Variants in ZCWPW1 observed in about 807,000 individuals in gnomAD.
ZCWPW1 encodes the protein zinc finger CW-type PWWP domain protein 1.
Under a neutral mutation model 81.3 loss-of-function variants are expected in ZCWPW1, and 56 were observed. The ratio of observed to expected loss-of-function variants is 0.69; its 90% CI spans 0.56 to 0.86. The LOEUF (loss-of-function observed/expected upper bound fraction) is 0.86. Ranked by LOEUF, ZCWPW1 falls within the 40% of genes least tolerant of loss-of-function variation. ZCWPW1 has a pLI of 0.00. For synonymous variants in ZCWPW1, 250 were observed against 273.7 expected (o/e 0.91, Z 0.86); for missense variants, 650 against 769.8 (o/e 0.84, Z 1.84).
intron 10 of ZCWPW1, 39 bp from the exon 11 acceptor site, chr7:100,407,342 G>A: frequency 6.4e-7 from 1 of 1,564,220 alleles, no homozygotes; most frequent in South Asian, 1.1e-5. Context: ...AGAAGAGAAG[G>A]GGTTAGATGA....
chr7:100,419,501 C>T, intron 4 of ZCWPW1, 129 bp downstream of exon 4: 1 of 1,464,300 alleles, frequency 6.8e-7, no homozygotes. Flanking sequence ...AGGAAGCCCT[C>T]AAAAAGGAAT....
At chr7:100,419,555 C>T (rs1795973545) in intron 4 of ZCWPW1, 75 bp downstream of exon 4, 2 of 1,520,268 alleles carry the variant, frequency 1.3e-6, no homozygotes, top group Non-Finnish European at 1.8e-6. Context: ...TGTGAAAAGA[C>T]TCTGTTTGTC....
At chr7:100,401,443 T>C (rs1233709715) in intron 17 of ZCWPW1, 107 bp from the exon 18 acceptor site, 5 of 1,084,380 alleles carry the variant, frequency 4.6e-6, no homozygotes, top group Non-Finnish European at 6.4e-6. Flanking sequence ...CTGGAAAAGA[T>C]GACCTTTCTC....
At position 100,423,287 on chromosome 7, in the gene ZCWPW1, T is replaced by C. The variant is rs565462981; in HGVS notation, c.-30+1743A>G. Among the ~76,000 whole-genome samples, 17 of 152,318 alleles carry C rather than the reference T, an allele frequency of 1.1e-4. No homozygotes were observed. The South Asian group carries it at 3.5e-3, about 32-fold the overall frequency. ...TTTCTGGCTGTTGGCTTTGAGCAGT[T>C]TGAAAACCCTGCAACTGAAACTCTT... On this transcript the variant is annotated intron_variant, in intron 2 of 17. Transcript: ENST00000684423.
At chr7:100,419,905 G>A (rs979314052) in intron 3 of ZCWPW1, 22 bp from the exon 4 acceptor site, 1 of 1,535,662 alleles carries the variant, frequency 6.5e-7, no homozygotes. Context: ...GTGATCAAGT[G>A]GAATTTATGA....
At chr7:100,409,623 C>T in intron 8 of ZCWPW1, 79 bp from the exon 9 acceptor site, 5 of 975,582 alleles carry the variant, frequency 5.1e-6, no homozygotes, top group South Asian at 4.3e-5. Flanking sequence ...CAGGATAACC[C>T]TCCCAACTCC....
intron 6 of ZCWPW1, 56 bp from the exon 7 acceptor site, chr7:100,416,512 T>C: frequency 1.9e-6 from 3 of 1,584,642 alleles, no homozygotes; most frequent in South Asian, 2.2e-5. Flanking sequence ...TGCAGAACTC[T>C]TCTTCTGAAA....
At chr7:100,416,492 A>G in intron 6 of ZCWPW1, 36 bp from the exon 7 acceptor site, 2 of 1,607,050 alleles carry the variant, frequency 1.2e-6, no homozygotes, top group South Asian at 2.2e-5. Flanking sequence ...AAAGGTAAAA[A>G]TAGAGCAATT....
At position 100,416,161 on chromosome 7, in the gene ZCWPW1, G is replaced by A. The variant is rs1450801080; in HGVS notation, c.632-64C>T. The A allele has an allele frequency of 1.0e-5, 16 of 1,603,742 alleles. No individual in the cohort carries two copies. The East Asian group carries it at 2.5e-4, about 25-fold the overall frequency. ...GAAGACAATCTTTGTAGATAGTAAA[G>A]GTCAGTGAAAGAAGGAAGAAGAATC... On this transcript the variant is annotated intron_variant, in intron 7 of 17. Coordinates refer to ENST00000684423, the MANE Select transcript of ZCWPW1 (RefSeq NM_001386010.1).
intron 8 of ZCWPW1, among the ~76,000 whole-genome samples, chr7:100,415,208 A>G (rs1266175689): frequency 6.7e-6 from 1 of 148,790 alleles, no homozygotes; most frequent in South Asian, 2.2e-4. Flanking sequence ...CTCAGCCTCC[A>G]AGTAACTGAG....
intron 16 of ZCWPW1, 94 bp downstream of exon 16, chr7:100,402,422 A>G: frequency 7.4e-7 from 1 of 1,351,702 alleles, no homozygotes; most frequent in Non-Finnish European, 1.1e-6. Flanking sequence ...TGGCACTGAG[A>G]TGGGCAGTGA....
chr7:100,416,828 C>T (rs1161406457), intron 6 of ZCWPW1, among the ~76,000 whole-genome samples: 1 of 152,040 alleles, frequency 6.6e-6, no homozygotes, highest in Admixed American at 6.6e-5. Context: ...CGCCTGTAAT[C>T]CCAGCTACTC....
intron 1 of ZCWPW1, among the ~76,000 whole-genome samples, chr7:100,426,248 C>T (rs1797303459): frequency 6.6e-6 from 1 of 152,162 alleles, no homozygotes; most frequent in South Asian, 2.1e-4. Context: ...AATTCCAGCA[C>T]TTTGGGAGGC....
chr7:100,418,955 G>C (rs1795849043), intron 5 of ZCWPW1, 156 bp downstream of exon 5: 2 of 577,752 alleles, frequency 3.5e-6, no homozygotes, highest in East Asian at 5.8e-5. Context: ...CCTGTTGACA[G>C]ATGATGAAGT....
chr7:100,403,986 C>T (rs1487638985), intron 14 of ZCWPW1, among the ~76,000 whole-genome samples, 192 bp downstream of exon 14: 4 of 152,120 alleles, frequency 2.6e-5, no homozygotes, highest in Non-Finnish European at 5.9e-5. Context: ...TTCTGTTTCT[C>T]CCATTCCTCT....
At chr7:100,424,930 T>C (rs1350661183) in intron 2 of ZCWPW1, 100 bp downstream of exon 2, 1 of 152,168 alleles carries the variant, frequency 6.6e-6, no homozygotes, top group Non-Finnish European at 1.5e-5. Context: ...TGTTGTTGAG[T>C]TAATAAGATG....
intron 16 of ZCWPW1, 103 bp downstream of exon 16, chr7:100,402,413 G>T: frequency 1.6e-6 from 2 of 1,274,222 alleles, no homozygotes; most frequent in Non-Finnish European, 2.3e-6. Flanking sequence ...CTCAGGTCCT[G>T]GCACTGAGAT....
chr7:100,416,685 C>T (rs977541302), intron 6 of ZCWPW1, among the ~76,000 whole-genome samples: 2 of 152,104 alleles, frequency 1.3e-5, no homozygotes, highest in African/African-American at 2.4e-5. Context: ...TGGTGGCTCA[C>T]GCCTGTAATC....
chr7:100,424,755 C>T (rs1797007307), intron 2 of ZCWPW1, among the ~76,000 whole-genome samples: 1 of 152,082 alleles, frequency 6.6e-6, no homozygotes, highest in Non-Finnish European at 1.5e-5. Flanking sequence ...GCACCGTGCC[C>T]GGCCGAAATT....
Sources: allele counts gnomAD v4.1 joint callset (sites outside exome capture counted in the v4.1 genomes callset), GRCh38; gene constraint gnomAD v4.1.1; transcripts MANE v1.5; gene names NCBI Gene and HGNC (gene_info 2026-07-23, HGNC 2026-07-21).